Variants in ATP9A observed in about 807,000 individuals in gnomAD.
ATP9A encodes the protein ATPase phospholipid transporting 9A.
In ATP9A, 52 loss-of-function variants were observed where a neutral mutation model predicts 144.1. The ratio of observed to expected loss-of-function variants is 0.36; its 90% confidence interval spans 0.29 to 0.45. ATP9A has a LOEUF of 0.45. ATP9A is among the 20% of genes least tolerant of loss of function. ATP9A has a pLI of 1.00. For missense variants in ATP9A, 947 were observed against 1,392.7 expected, an observed-to-expected ratio of 0.68 and a Z score of 5.09; for synonymous variants, 582 against 557.4, an observed-to-expected ratio of 1.04 and a Z score of -0.62.
intron 1 of ATP9A, among the ~76,000 whole-genome samples, chr20:51,735,352 T>G (rs574467996): frequency 1.1e-4 from 17 of 151,862 alleles, no homozygotes; most frequent in South Asian, 4.2e-4. Flanking sequence ...ACAGACAATC[T>G]CCACGACGAG....
chr20:51,696,680 G>T (rs1271073699), intron 5 of ATP9A, among the ~76,000 whole-genome samples: 1 of 152,190 alleles, frequency 6.6e-6, no homozygotes, highest in Non-Finnish European at 1.5e-5. Context: ...TAACATAGAT[G>T]GGGGTTGTGT....
In ATP9A at chr20:51,693,949, T is replaced by C. The variant is rs967602164; in HGVS notation, c.642+59A>G. The C allele has an allele frequency of 1.3e-5, 17 of 1,305,240 alleles. No individual in the cohort carries two copies. The Admixed American group carries it at 2.1e-4, about 16-fold the overall frequency. 80.9% of individuals were successfully genotyped at this position (1,305,240 alleles called of 1,614,324 possible). On this transcript the variant is annotated intron_variant, in intron 7 of 27. Transcript: ENST00000338821. ...CCATGCCTGGCCCCCCAGGTATGAGTTTGAGAACCCTGCTAAGATAGGTTG... is the reference window on the plus strand; with the variant it reads ...CCATGCCTGGCCCCCCAGGTATGAGCTTGAGAACCCTGCTAAGATAGGTTG...
chr20:51,617,366 C>T lies in ATP9A; in HGVS notation c.2415+124G>A, dbSNP rs182348037. The T allele has an allele frequency of 4.4e-3, 4,477 of 1,007,032 alleles. 35 individuals carry two copies. Among genetic ancestry groups the T allele is most frequent in the Non-Finnish European group, 4.6e-3 (3,019 of 661,404 alleles). 62.4% of individuals were successfully genotyped at this position (1,007,032 alleles called of 1,614,324 possible). On this transcript the variant is annotated intron_variant, in intron 22 of 27. Coordinates refer to ENST00000338821, the MANE Select transcript of ATP9A (RefSeq NM_006045.3). ...CCAGTGACACAAGGTAACTGTGACA[C>T]ATGATTCCTTATGTTTTATCATTCT...
chr20:51,604,556 G>C (rs974691709), intron 27 of ATP9A, among the ~76,000 whole-genome samples: 11 of 152,204 alleles, frequency 7.2e-5, no homozygotes, highest in African/African-American at 2.2e-4. Flanking sequence ...GACAGAGCAA[G>C]ACTCCGACTC....
intron 3 of ATP9A, among the ~76,000 whole-genome samples, chr20:51,715,288 T>TTTA (rs1198090196): frequency 2.0e-5 from 3 of 152,184 alleles, no homozygotes; most frequent in Non-Finnish European, 4.4e-5. Flanking sequence ...TCCAATCAGA[T>TTTA]GTAAAGTACA....
intron 13 of ATP9A, among the ~76,000 whole-genome samples, chr20:51,659,018 G>A (rs2077400771): frequency 6.6e-6 from 1 of 151,272 alleles, no homozygotes; most frequent in Non-Finnish European, 1.5e-5. Flanking sequence ...AGCCATGCTG[G>A]CCTTTCTGTT....
chr20:51,652,773 A>C (rs1204578377), intron 14 of ATP9A, among the ~76,000 whole-genome samples: 1 of 152,200 alleles, frequency 6.6e-6, no homozygotes, highest in Non-Finnish European at 1.5e-5. Context: ...CTATAGACAT[A>C]AAATAACTGT....
intron 17 of ATP9A, among the ~76,000 whole-genome samples, chr20:51,626,424 G>A (rs1464274944): frequency 6.6e-6 from 1 of 151,972 alleles, no homozygotes; most frequent in Non-Finnish European, 1.5e-5. Flanking sequence ...AGGAGGCAGA[G>A]GTTGCAGTGA....
intron 14 of ATP9A, among the ~76,000 whole-genome samples, chr20:51,651,342 T>TTATATAATATATATTTACATAA (rs1368694237): frequency 7.0e-6 from 1 of 142,548 alleles, no homozygotes; most frequent in Non-Finnish European, 1.5e-5. Flanking sequence ...ACATAATATA[T>TTATATAATATATATTTACATAA]TATATAATAT....
chr20:51,747,016 G>GA (rs1181603394), intron 1 of ATP9A, among the ~76,000 whole-genome samples: 1 of 148,550 alleles, frequency 6.7e-6, no homozygotes, highest in Non-Finnish European at 1.5e-5. Flanking sequence ...AAAAAAAAGA[G>GA]AAAAGAAAAA....
Position 51,673,235 on chromosome 20 carries a change from G to A in ATP9A, c.1037+918C>T, listed in dbSNP as rs189159772. ...CTAAAAATACAAAAATTAGCCAAGCGTGGTGGCAGGAGCCTATAATTCCAG... is the reference window on the plus strand; with the variant it reads ...CTAAAAATACAAAAATTAGCCAAGCATGGTGGCAGGAGCCTATAATTCCAG... On this transcript the variant is annotated intron_variant, in intron 11 of 27. Coordinates refer to ENST00000338821, the MANE Select transcript of ATP9A (RefSeq NM_006045.3). Among the ~76,000 whole-genome samples the A allele has an allele frequency of 5.7e-4, 86 of 152,106 alleles. No homozygotes were observed. The East Asian group carries it at 0.013, about 23-fold the overall frequency.
intron 15 of ATP9A, among the ~76,000 whole-genome samples, chr20:51,631,615 G>A (rs1029810520): frequency 6.6e-6 from 1 of 152,080 alleles, no homozygotes; most frequent in South Asian, 2.1e-4. Flanking sequence ...GCAAGATTAC[G>A]CCATAAATTT....
At chr20:51,641,991 G>T (rs1320665785) in intron 14 of ATP9A, among the ~76,000 whole-genome samples, 1 of 145,266 alleles carries the variant, frequency 6.9e-6, no homozygotes, top group African/African-American at 2.5e-5. Context: ...AAAGTGGGAG[G>T]GCCTTCCTTT....
rs150548048 is a variant in ATP9A, at chr20:51,630,152, C to T, written c.1669-1080G>A. 2.0e-5 allele frequency among the ~76,000 whole-genome samples: 3 copies of T among 152,348 alleles called. No homozygotes were observed. In the East Asian group the frequency reaches 5.8e-4, roughly 29 times the overall value. ...CACACAGGACGCCCCCAACCACCACCAGGAACTCCTCCAGCCCTAAAAGTC... is the reference window on the plus strand; with the variant it reads ...CACACAGGACGCCCCCAACCACCACTAGGAACTCCTCCAGCCCTAAAAGTC... On this transcript the variant is annotated intron_variant, in intron 15 of 27. Coordinates refer to ENST00000338821, the MANE Select transcript of ATP9A (RefSeq NM_006045.3).
At chr20:51,615,946 T>C (rs193081387) in intron 22 of ATP9A, among the ~76,000 whole-genome samples, 18 of 152,310 alleles carry the variant, frequency 1.2e-4, no homozygotes, top group Non-Finnish European at 2.4e-4. Flanking sequence ...TAGATTCTTT[T>C]AATTTTTTAT....
chr20:51,629,420 G>C (rs780872900), intron 15 of ATP9A, among the ~76,000 whole-genome samples: 47 of 152,328 alleles, frequency 3.1e-4, no homozygotes, highest in Non-Finnish European at 6.3e-4. Context: ...GTGGTCCACT[G>C]AAAGAATAGG....
intron 14 of ATP9A, among the ~76,000 whole-genome samples, chr20:51,653,774 A>G (rs186187543): frequency 6.8e-6 from 1 of 148,040 alleles, no homozygotes; most frequent in Non-Finnish European, 1.5e-5. Context: ...GCGACAGAGC[A>G]AAAAAAAAAG....
chr20:51,640,522 GT>G (rs2077314386), intron 14 of ATP9A, among the ~76,000 whole-genome samples: 1 of 152,216 alleles, frequency 6.6e-6, no homozygotes, highest in Admixed American at 6.5e-5. Flanking sequence ...AGTTAATGAA[GT>G]TGCCCAAGGT....
At chr20:51,604,784 G>A in intron 27 of ATP9A, 33 bp downstream of exon 27, 1 of 1,442,270 alleles carries the variant, frequency 6.9e-7, no homozygotes, top group Non-Finnish European at 9.2e-7. Flanking sequence ...CACTGGGGGT[G>A]ACGGACGGGG....
Sources: gnomAD v4.1 joint callset for allele counts (sites outside exome capture counted in the v4.1 genomes callset) on GRCh38, gnomAD v4.1.1 for gene constraint, MANE v1.5 for transcripts, NCBI Gene and HGNC (gene_info 2026-07-23, HGNC 2026-07-21) for gene names.